ANKLE2: variants seen among roughly 807,000 people sequenced by gnomAD.
ANKLE2 encodes the protein ankyrin repeat and LEM domain-containing protein 2.
Under a neutral mutation model 84.2 loss-of-function variants are expected in ANKLE2, and 55 were observed. That is an observed-to-expected ratio of 0.65 (90% CI 0.53 to 0.82). The LOEUF (loss-of-function observed/expected upper bound fraction) is 0.82. ANKLE2 is among the 40% of genes least tolerant of loss of function. The pLI, the probability that ANKLE2 is intolerant of heterozygous loss-of-function variation, is 0.00. For missense variants in ANKLE2, 1,238 were observed against 1,201.9 expected, an observed-to-expected ratio of 1.03 and a Z score of -0.44; for synonymous variants, 551 against 486.1, an observed-to-expected ratio of 1.13 and a Z score of -1.76.
intron 12 of ANKLE2, 94 bp from the exon 13 acceptor site, chr12:132,727,537 T>C (rs10781632): frequency 1.6e-5 from 16 of 970,482 alleles, no homozygotes; most frequent in South Asian, 9.9e-5. Flanking sequence ...CTCAGGCACA[T>C]GCGCCCGGGC....
chr12:132,735,521 A>G lies in ANKLE2; in HGVS notation c.1594-9T>C, dbSNP rs1324689396. On this transcript the variant is annotated splice_polypyrimidine_tract_variant and intron_variant, in intron 8 of 12. Coordinates refer to ENST00000357997, the MANE Select transcript of ANKLE2 (RefSeq NM_015114.3). ...TTGCGAAAATCTTCTGCCTATGAAG[A>G]AAAAAAAATGTATTGAGCCGTGTCA... 4 of 1,590,284 alleles carry G rather than the reference A, an allele frequency of 2.5e-6. No homozygotes were observed. In the Admixed American group the frequency reaches 7.0e-5, roughly 28 times the overall value.
chr12:132,746,445 C>T (rs1379137990), intron 5 of ANKLE2, among the ~76,000 whole-genome samples: 1 of 151,962 alleles, frequency 6.6e-6, no homozygotes, highest in African/African-American at 2.4e-5. Flanking sequence ...TCCTCCTTCC[C>T]TAACTCACAG....
intron 10 of ANKLE2, 142 bp from the exon 11 acceptor site, chr12:132,730,412 C>G: frequency 4.2e-6 from 1 of 237,870 alleles, no homozygotes; most frequent in Non-Finnish European, 6.0e-6. Flanking sequence ...CCGCGACCAA[C>G]TGCCGTGACC....
intron 1 of ANKLE2, chr12:132,760,741 AC>A (rs2044608176): frequency 6.6e-6 from 1 of 152,186 alleles, no homozygotes; most frequent in South Asian, 2.1e-4. Context: ...AGCTCCCTGA[AC>A]CCAGCCCTTT....
chr12:132,746,484 C>A (rs1203054179), intron 5 of ANKLE2, among the ~76,000 whole-genome samples: 1 of 152,146 alleles, frequency 6.6e-6, no homozygotes, highest in Non-Finnish European at 1.5e-5. Flanking sequence ...GAAAGCCCTA[C>A]CTGTTCCATG....
intron 1 of ANKLE2, chr12:132,759,553 T>G (rs1354530703): frequency 6.6e-6 from 1 of 152,184 alleles, no homozygotes; most frequent in African/African-American, 2.4e-5. Flanking sequence ...TATACACGTA[T>G]CATATGCCAT....
intron 1 of ANKLE2, chr12:132,759,863 A>G (rs141108788): frequency 0.027 from 4,093 of 150,846 alleles, 79 homozygotes; most frequent in Non-Finnish European, 0.042. Flanking sequence ...GCCCGGTGCG[A>G]TGGCTCACAC....
At chr12:132,759,859 T>C (rs1008082879) in intron 1 of ANKLE2, 4 of 150,512 alleles carry the variant, frequency 2.7e-5, no homozygotes, top group East Asian at 3.9e-4. Context: ...TAGGGCCCGG[T>C]GCGATGGCTC....
chr12:132,754,638 T>C (rs757282995), intron 2 of ANKLE2, 37 bp downstream of exon 2: 1 of 1,553,854 alleles, frequency 6.4e-7, no homozygotes, highest in South Asian at 1.2e-5. Context: ...GCGTATGTGC[T>C]ATCTGTGTGA....
In ANKLE2 at chr12:132,747,868, G is replaced by GT. The variant is rs766635514; in HGVS notation, c.1193dup (p.Tyr398Ter). 1 of 1,610,778 alleles carries GT rather than the reference G, an allele frequency of 6.2e-7. No individual in the cohort carries two copies. The highest frequency in any genetic ancestry group is 2.2e-5 in the East Asian group (1 of 44,868). ...GGGTGTTGAGGTACAGGTCCACCACGTAACGGATACGCTTCTGCAGCATGG... is the reference window on the plus strand; with the variant it reads ...GGGTGTTGAGGTACAGGTCCACCACGTTAACGGATACGCTTCTGCAGCATGG... The part of the protein sequence containing the change: ...DEAMLQKRIR[Y>*]VVDLYLNTPD... The change falls in exon 5 of 13, where the codon TAC becomes TAAC. Residue 398 changes from tyrosine (Y) to a stop codon, truncating the protein, a stop_gained and frameshift_variant. Transcript: ENST00000357997. LOFTEE classifies it high-confidence loss of function.
At position 132,734,606 on chromosome 12, in the gene ANKLE2, G is replaced by A. The variant is rs138713725; in HGVS notation, c.1701-31C>T. The A allele has an allele frequency of 5.5e-5, 87 of 1,571,186 alleles. No homozygotes were observed. The African/African-American group carries it at 9.6e-4, about 17-fold the overall frequency. On this transcript the variant is annotated intron_variant, in intron 9 of 12. Coordinates refer to ENST00000357997, the MANE Select transcript of ANKLE2 (RefSeq NM_015114.3). ...AGAAACAAAACACAATTAACCAGCT[G>A]TGAAACCAGAAAAAATACTCAGAAC...
intron 2 of ANKLE2, among the ~76,000 whole-genome samples, chr12:132,751,813 G>A (rs1593176690): frequency 6.6e-6 from 1 of 152,136 alleles, no homozygotes; most frequent in East Asian, 1.9e-4. Flanking sequence ...AAAGTGCTGG[G>A]ATTACAGGCA....
chr12:132,754,308 C>T (rs1381876201), intron 2 of ANKLE2, among the ~76,000 whole-genome samples: 2 of 152,164 alleles, frequency 1.3e-5, no homozygotes, highest in East Asian at 3.8e-4. Context: ...AGTATTTATA[C>T]ACTCATTGGC....
intron 1 of ANKLE2, chr12:132,761,346 C>A (rs908576980): frequency 3.4e-6 from 1 of 297,920 alleles, no homozygotes; most frequent in Admixed American, 5.2e-5. Flanking sequence ...CGCCGGGCCC[C>A]CGCCGCCTTC....
chr12:132,735,172 C>T, intron 9 of ANKLE2: 1 of 546,356 alleles, frequency 1.8e-6, no homozygotes, highest in Non-Finnish European at 3.2e-6. Flanking sequence ...ACAAGGAATT[C>T]CAATTAGAAA....
chr12:132,732,107 T>G (rs2043864377), intron 10 of ANKLE2: 1 of 141,148 alleles, frequency 7.1e-6, no homozygotes, highest in African/African-American at 2.7e-5. Flanking sequence ...ATATACACCA[T>G]GTGAAGCGCT....
At chr12:132,732,458 C>T (rs1205709111) in intron 10 of ANKLE2, among the ~76,000 whole-genome samples, 2 of 137,106 alleles carry the variant, frequency 1.5e-5, no homozygotes, top group Non-Finnish European at 3.1e-5. Context: ...GTGAAGCTCT[C>T]TGCGTGCTGG....
intron 1 of ANKLE2, chr12:132,755,353 G>A (rs1413024682): frequency 1.8e-5 from 8 of 443,448 alleles, no homozygotes; most frequent in East Asian, 8.2e-5. Context: ...AGACCAGCCC[G>A]GCCAACATGG....
At chr12:132,736,794 G>A (rs1180874945) in intron 8 of ANKLE2, 99 bp downstream of exon 8, 5 of 1,392,466 alleles carry the variant, frequency 3.6e-6, no homozygotes, top group Non-Finnish European at 4.8e-6. Context: ...CACAGGACAT[G>A]GTCCCTGAGA....
Sources: gnomAD v4.1 joint callset for allele counts (sites outside exome capture counted in the v4.1 genomes callset) on GRCh38, gnomAD v4.1.1 for gene constraint, MANE v1.5 for transcripts, NCBI Gene and HGNC (gene_info 2026-07-23, HGNC 2026-07-21) for gene names.